Variants in ZBTB5 observed in about 807,000 individuals in gnomAD.
The protein encoded by ZBTB5 is zinc finger and BTB domain containing 5, also known as zinc finger and BTB domain-containing protein 5.
Under a neutral mutation model 37.9 loss-of-function variants are expected in ZBTB5, and 15 were observed. That is an observed-to-expected ratio of 0.40 (90% CI 0.26 to 0.61). The LOEUF is 0.61. Ranked by LOEUF, ZBTB5 falls within the 20% of genes least tolerant of loss-of-function variation. ZBTB5 has a pLI of 0.47. For missense variants in ZBTB5, 708 were observed against 856.8 expected (o/e 0.83, Z 2.17); for synonymous variants, 315 against 312.4 (o/e 1.01, Z -0.09).
At chr9:37,453,855 G>C (rs1824143416) in intron 1 of ZBTB5, among the ~76,000 whole-genome samples, 1 of 152,184 alleles carries the variant, frequency 6.6e-6, no homozygotes, top group South Asian at 2.1e-4. Flanking sequence ...ATTACAAACT[G>C]TGAGGGAGTT....
chr9:37,458,302 C>T (rs1824229121), intron 1 of ZBTB5, among the ~76,000 whole-genome samples: 1 of 152,200 alleles, frequency 6.6e-6, no homozygotes, highest in African/African-American at 2.4e-5. Flanking sequence ...CTCTTGAGTA[C>T]CTGTTTTCAA....
chr9:37,453,373 G>A (rs1824135853), intron 1 of ZBTB5, among the ~76,000 whole-genome samples: 1 of 151,920 alleles, frequency 6.6e-6, no homozygotes, highest in African/African-American at 2.4e-5. Flanking sequence ...TAGAGACAAG[G>A]TTCCCTATGA....
chr9:37,442,880 T>C (rs949464646), intron 1 of ZBTB5, among the ~76,000 whole-genome samples: 3 of 152,178 alleles, frequency 2.0e-5, no homozygotes, highest in Non-Finnish European at 2.9e-5. Context: ...CCACAGAAGT[T>C]TGTTAGAATT....
chr9:37,448,479 T>C (rs924524838), intron 1 of ZBTB5, among the ~76,000 whole-genome samples: 5 of 152,118 alleles, frequency 3.3e-5, no homozygotes, highest in African/African-American at 7.2e-5. Context: ...CTCTGACAAA[T>C]AGGGCCCCTC....
At chr9:37,448,768 C>T (rs1337926917) in intron 1 of ZBTB5, among the ~76,000 whole-genome samples, 2 of 152,344 alleles carry the variant, frequency 1.3e-5, no homozygotes, top group South Asian at 2.1e-4. Flanking sequence ...CGATTACAGC[C>T]GGGCACAGTG....
At chr9:37,462,220 C>T (rs1824306148) in intron 1 of ZBTB5, among the ~76,000 whole-genome samples, 1 of 152,112 alleles carries the variant, frequency 6.6e-6, no homozygotes, top group Non-Finnish European at 1.5e-5. Context: ...AAAAAACTGC[C>T]AATTAAGCTA....
chr9:37,455,986 C>G (rs1450282324), intron 1 of ZBTB5, among the ~76,000 whole-genome samples: 1 of 150,966 alleles, frequency 6.6e-6, no homozygotes, highest in Non-Finnish European at 1.5e-5. Context: ...ATCTCACTCT[C>G]TCACTCAGGC....
chr9:37,456,520 G>A (rs1336259266), intron 1 of ZBTB5, among the ~76,000 whole-genome samples: 2 of 152,222 alleles, frequency 1.3e-5, no homozygotes, highest in Non-Finnish European at 2.9e-5. Context: ...CTAAAGATGA[G>A]CATGACTGAG....
chr9:37,447,034 T>C (rs531027749), intron 1 of ZBTB5, among the ~76,000 whole-genome samples: 10 of 152,326 alleles, frequency 6.6e-5, no homozygotes, highest in East Asian at 3.9e-4. Flanking sequence ...CAGTGGGGAA[T>C]AGACCCAGTG....
intron 1 of ZBTB5, 144 bp downstream of exon 1, chr9:37,465,071 T>C (rs1312887366): frequency 6.6e-6 from 1 of 152,056 alleles, no homozygotes; most frequent in Non-Finnish European, 1.5e-5. Context: ...GTAACAATGC[T>C]CCCCTCCGAA....
intron 1 of ZBTB5, among the ~76,000 whole-genome samples, chr9:37,457,267 C>T (rs1021316664): frequency 3.9e-5 from 6 of 152,190 alleles, no homozygotes; most frequent in Non-Finnish European, 8.8e-5. Context: ...CAGAGTCTTG[C>T]TTTGCCACCC....
chr9:37,442,156 G>T lies in ZBTB5; in HGVS notation c.396C>A (p.Arg132=). The T allele has an allele frequency of 6.2e-7, 1 of 1,614,226 alleles. No individual in the cohort carries two copies. Among genetic ancestry groups the T allele is most frequent in the Non-Finnish European group, 8.5e-7 (1 of 1,180,044 alleles). ...GCATGCGGGCGCTCTGCTCCTGAAC[G>T]CGCTCACTGGGGGGAGACATGGGCA... ...RTLPMSPPSE[R]VQEQSARMQR... Residue 132 remains arginine (R), a synonymous_variant, in exon 2 of 2, where the codon CGC becomes CGA. Transcript: ENST00000307750.
intron 1 of ZBTB5, among the ~76,000 whole-genome samples, chr9:37,463,192 G>A (rs1824325070): frequency 6.6e-6 from 1 of 152,144 alleles, no homozygotes; most frequent in South Asian, 2.1e-4. Context: ...CATATGCAAA[G>A]AGCAATAGTT....
intron 1 of ZBTB5, among the ~76,000 whole-genome samples, chr9:37,445,162 A>G (rs2118937260): frequency 6.6e-6 from 1 of 152,326 alleles, no homozygotes; most frequent in Non-Finnish European, 1.5e-5. Flanking sequence ...ATATTTACAC[A>G]GTCATAAAAT....
At position 37,439,354 on chromosome 9, in the gene ZBTB5, T is replaced by C. The variant is rs7039333; in HGVS notation, c.*1164A>G. On this transcript the variant is annotated 3_prime_UTR_variant, in exon 2 of 2. Transcript: ENST00000307750. ...AACTCTTACATAGCCTAGAAAATATTTACCCATGAACACTACCATGTTTGG... is the reference window on the plus strand; with the variant it reads ...AACTCTTACATAGCCTAGAAAATATCTACCCATGAACACTACCATGTTTGG... 2 of 152,324 alleles carry C rather than the reference T, an allele frequency of 1.3e-5. No homozygotes were observed. Among genetic ancestry groups the C allele is most frequent in the South Asian group, 2.1e-4 (1 of 4,830 alleles). The allele number at this position is 152,324 out of a possible 1,614,324, so 9.4% of individuals were successfully genotyped here.
intron 1 of ZBTB5, among the ~76,000 whole-genome samples, chr9:37,456,576 C>T (rs1824191591): frequency 6.6e-6 from 1 of 152,214 alleles, no homozygotes; most frequent in Non-Finnish European, 1.5e-5. Flanking sequence ...CTCTCCAATT[C>T]TCTCCACATT....
intron 1 of ZBTB5, among the ~76,000 whole-genome samples, chr9:37,444,311 G>A (rs1823938255): frequency 6.6e-6 from 1 of 152,018 alleles, no homozygotes; most frequent in Non-Finnish European, 1.5e-5. Flanking sequence ...TGATTCTCCT[G>A]CCTCAGCCTC....
intron 1 of ZBTB5, among the ~76,000 whole-genome samples, chr9:37,462,249 T>C (rs775824471): frequency 4.6e-5 from 7 of 152,234 alleles, no homozygotes; most frequent in Non-Finnish European, 7.3e-5. Flanking sequence ...TGCTTACTTA[T>C]GGTATCCTGT....
intron 1 of ZBTB5, among the ~76,000 whole-genome samples, chr9:37,464,689 C>A (rs1824357044): frequency 1.3e-5 from 2 of 152,216 alleles, no homozygotes; most frequent in Admixed American, 1.3e-4. Context: ...TCAATAAATG[C>A]CTATTAAACA....
Sources: allele counts gnomAD v4.1 joint callset (sites outside exome capture counted in the v4.1 genomes callset), GRCh38; gene constraint gnomAD v4.1.1; transcripts MANE v1.5; gene names NCBI Gene and HGNC (gene_info 2026-07-23, HGNC 2026-07-21).